FIGN: variants seen among roughly 807,000 people sequenced by gnomAD.
FIGN encodes fidgetin, microtubule severing factor.
FIGN carries 11 observed loss-of-function variants against 51.3 expected under a neutral mutation model. That is an observed-to-expected ratio of 0.21 (90% confidence interval 0.13 to 0.35). The LOEUF is 0.35. Ranked by LOEUF, FIGN falls within the 10% of genes least tolerant of loss-of-function variation. The pLI, the probability that FIGN is intolerant of heterozygous loss-of-function variation, is 1.00. For synonymous variants in FIGN, 407 were observed against 363.2 expected, an observed-to-expected ratio of 1.12 and a Z score of -1.37; for missense variants, 857 against 943.6, an observed-to-expected ratio of 0.91 and a Z score of 1.20.
chr2:163,653,748 C>G (rs950910378), intron 2 of FIGN, among the ~76,000 whole-genome samples: 1 of 151,982 alleles, frequency 6.6e-6, no homozygotes, highest in African/African-American at 2.4e-5. Context: ...TCTATCTATA[C>G]GATGGAAGTC....
chr2:163,702,280 G>A (rs914710945), intron 2 of FIGN, among the ~76,000 whole-genome samples: 6 of 152,220 alleles, frequency 3.9e-5, no homozygotes, highest in African/African-American at 1.2e-4. Flanking sequence ...CAAGCTTCAG[G>A]CTCCACAAAA....
At chr2:163,712,198 G>T (rs539767580) in intron 2 of FIGN, among the ~76,000 whole-genome samples, 2 of 152,276 alleles carry the variant, frequency 1.3e-5, no homozygotes, top group Admixed American at 1.3e-4. Flanking sequence ...AGCAATAACT[G>T]CTCACTGAAT....
At chr2:163,681,082 T>G (rs1361451476) in intron 2 of FIGN, among the ~76,000 whole-genome samples, 1 of 152,322 alleles carries the variant, frequency 6.6e-6, no homozygotes, top group Non-Finnish European at 1.5e-5. Context: ...TTGCCCATGT[T>G]CACATATCAA....
At chr2:163,612,497 C>T (rs748603620) in intron 2 of FIGN, 5 of 985,266 alleles carry the variant, frequency 5.1e-6, no homozygotes, top group Non-Finnish European at 2.4e-6. Context: ...TCCCAGGCAG[C>T]GCTCCATCGC....
At chr2:163,706,158 A>G (rs931051017) in intron 2 of FIGN, among the ~76,000 whole-genome samples, 6 of 152,120 alleles carry the variant, frequency 3.9e-5, no homozygotes, top group Non-Finnish European at 4.4e-5. Context: ...TGCTACGCAA[A>G]TTTACACTTT....
chr2:163,620,884 A>C (rs1220655341), intron 2 of FIGN, among the ~76,000 whole-genome samples: 2 of 74,448 alleles, frequency 2.7e-5, no homozygotes, highest in Non-Finnish European at 7.9e-5. Flanking sequence ...TGTGTGTTCC[A>C]TTTCAACTAT....
intron 2 of FIGN, among the ~76,000 whole-genome samples, chr2:163,624,975 A>G (rs1233716127): frequency 6.6e-6 from 1 of 151,974 alleles, no homozygotes; most frequent in Non-Finnish European, 1.5e-5. Flanking sequence ...TGTTAGATTT[A>G]TTGCAATAAT....
chr2:163,614,942 AAGAC>A (rs1682846486), intron 2 of FIGN, among the ~76,000 whole-genome samples: 2 of 152,272 alleles, frequency 1.3e-5, no homozygotes, highest in African/African-American at 2.4e-5. Flanking sequence ...ATCACTGTAA[AAGAC>A]AGTAGTATAC....
chr2:163,614,320 G>T (rs968932588), intron 2 of FIGN, among the ~76,000 whole-genome samples: 2 of 152,060 alleles, frequency 1.3e-5, no homozygotes, highest in Non-Finnish European at 2.9e-5. Context: ...AATTCAACTG[G>T]AAATTATTAA....
intron 2 of FIGN, among the ~76,000 whole-genome samples, chr2:163,704,193 C>T (rs960086071): frequency 2.0e-5 from 3 of 152,036 alleles, no homozygotes; most frequent in Admixed American, 6.6e-5. Context: ...CAGTAATATG[C>T]TTACATGAAT....
At chr2:163,636,004 G>A (rs1411193404) in intron 2 of FIGN, among the ~76,000 whole-genome samples, 1 of 152,144 alleles carries the variant, frequency 6.6e-6, no homozygotes, top group Admixed American at 6.5e-5. Context: ...TTTGAGAAGA[G>A]TCATGCTATA....
At chr2:163,621,494 G>C (rs920879914) in intron 2 of FIGN, among the ~76,000 whole-genome samples, 1 of 152,130 alleles carries the variant, frequency 6.6e-6, no homozygotes, top group Non-Finnish European at 1.5e-5. Context: ...AGTTTTGGTA[G>C]GTTACGTGTT....
chr2:163,662,518 C>A (rs181089389), intron 2 of FIGN, among the ~76,000 whole-genome samples: 23 of 152,282 alleles, frequency 1.5e-4, no homozygotes, highest in Non-Finnish European at 2.9e-4. Context: ...CCCAAGACCA[C>A]GGGGAAAATG....
chr2:163,611,041 G>A lies in FIGN; in HGVS notation c.791C>T (p.Pro264Leu). Reference sequence around the variant, plus strand: ...TGAAGGCGGAGGCGGTGCCCCCCCAGGGCTGTACCCAGACCCCACAGCAGT... The same window carrying A: ...TGAAGGCGGAGGCGGTGCCCCCCCAAGGCTGTACCCAGACCCCACAGCAGT... ...PQTAVGSGYS[P>L]GGAPPPPSAY... Residue 264 changes from proline (P) to leucine (L), a missense_variant, in exon 3 of 3, where the codon CCT (proline) becomes CTT (leucine). Around this residue, in one of 3 missense-constraint regions of FIGN, gnomAD observed 799 missense variants for 849.5 expected, o/e 0.94. Coordinates refer to ENST00000333129, the MANE Select transcript of FIGN (RefSeq NM_018086.4). The A allele has an allele frequency of 6.2e-7, 1 of 1,613,906 alleles. No individual in the cohort carries two copies. Among genetic ancestry groups the A allele is most frequent in the Non-Finnish European group, 8.5e-7 (1 of 1,180,010 alleles).
At position 163,674,855 on chromosome 2, in the gene FIGN, T is replaced by TC. The variant is rs545784656; in HGVS notation, c.25+60047dup. ...ATAGTAAGAGTTCAATGACTTTTTT[T>TC]CCCACAGAAAAGGTGAGGCATTGAG... On this transcript the variant is annotated intron_variant, in intron 2 of 2. Coordinates refer to ENST00000333129, the MANE Select transcript of FIGN (RefSeq NM_018086.4). 2.6e-4 allele frequency among the ~76,000 whole-genome samples: 39 copies of TC among 152,276 alleles called. No individual in the cohort carries two copies. In the South Asian group the frequency reaches 4.6e-3, roughly 18 times the overall value.
intron 2 of FIGN, among the ~76,000 whole-genome samples, chr2:163,619,038 T>C (rs1242358453): frequency 2.6e-5 from 4 of 152,186 alleles, no homozygotes; most frequent in African/African-American, 9.7e-5. Context: ...GAATGATGAA[T>C]AATGAATGGT....
At chr2:163,672,096 T>C (rs1453571268) in intron 2 of FIGN, among the ~76,000 whole-genome samples, 4 of 152,144 alleles carry the variant, frequency 2.6e-5, no homozygotes, top group Non-Finnish European at 2.9e-5. Flanking sequence ...GCTGAGATAA[T>C]TGTTTTACTT....
intron 2 of FIGN, among the ~76,000 whole-genome samples, chr2:163,620,970 C>T (rs753429078): frequency 2.0e-5 from 3 of 151,522 alleles, no homozygotes; most frequent in Non-Finnish European, 2.9e-5. Context: ...AAGCTGAAAA[C>T]GGTCAATAAA....
intron 2 of FIGN, among the ~76,000 whole-genome samples, chr2:163,703,730 A>G (rs1191579406): frequency 1.3e-5 from 2 of 152,072 alleles, no homozygotes; most frequent in African/African-American, 2.4e-5. Flanking sequence ...CTCTACTCAT[A>G]TATGGGCACT....
Sources: allele counts gnomAD v4.1 joint callset (sites outside exome capture counted in the v4.1 genomes callset), GRCh38; gene constraint gnomAD v4.1.1; regional missense constraint gnomAD v4.1.1; transcripts MANE v1.5; gene names NCBI Gene and HGNC (gene_info 2026-07-23, HGNC 2026-07-21).